FAM135B: variants seen among roughly 807,000 people sequenced by gnomAD.
FAM135B encodes the protein protein FAM135B.
A neutral mutation model predicts 127.7 loss-of-function variants in FAM135B; 43 were observed. The ratio of observed to expected loss-of-function variants is 0.34; its 90% CI spans 0.26 to 0.43. The LOEUF is 0.43. Ranked by LOEUF, FAM135B falls within the 20% of genes least tolerant of loss-of-function variation. The probability of loss-of-function intolerance (pLI) is 1.00; values close to 1 mark genes in which losing one functional copy is unlikely to be tolerated. For missense variants in FAM135B, 1,558 were observed against 1,725.6 expected, an observed-to-expected ratio of 0.90 and a Z score of 1.72; for synonymous variants, 670 against 665.1, an observed-to-expected ratio of 1.01 and a Z score of -0.11.
At chr8:138,155,627 A>C (rs1818656087) in intron 12 of FAM135B, among the ~76,000 whole-genome samples, 1 of 152,160 alleles carries the variant, frequency 6.6e-6, no homozygotes, top group Non-Finnish European at 1.5e-5. Context: ...GAAAACAAAA[A>C]AAAACAGGGG....
intron 7 of FAM135B, among the ~76,000 whole-genome samples, chr8:138,222,743 AT>A (rs1210756312): frequency 6.7e-6 from 1 of 150,042 alleles, no homozygotes; most frequent in Non-Finnish European, 1.5e-5. Flanking sequence ...AAAAAACAAA[AT>A]GAATTTTTAA....
chr8:138,240,144 T>C (rs1355223359), intron 7 of FAM135B, among the ~76,000 whole-genome samples: 1 of 152,052 alleles, frequency 6.6e-6, no homozygotes, highest in Non-Finnish European at 1.5e-5. Context: ...ACTTAAAGTA[T>C]AAAAAGAAAA....
chr8:138,141,142 CGCCCCAGAG>C lies in FAM135B; in HGVS notation c.3790+47_3790+55del. ...GTGGAAGTACCTGTGCCCGGTTTCA[CGCCCCAGAG>C]GCCCCAGATTAATTCTGAGGAATGA... On this transcript the variant is annotated intron_variant, in intron 17 of 19. Coordinates refer to ENST00000395297, the MANE Select transcript of FAM135B (RefSeq NM_015912.4). The surrounding 1 kb of genome is among the most constrained non-coding windows in gnomAD (Gnocchi z 4.7). 6.4e-7 allele frequency: 1 copy of C among 1,564,488 alleles called. No homozygotes were observed. The highest frequency in any genetic ancestry group is 8.8e-7 in the Non-Finnish European group (1 of 1,142,684).
chr8:138,186,696 C>T (rs773230969), intron 9 of FAM135B, among the ~76,000 whole-genome samples: 19 of 152,210 alleles, frequency 1.2e-4, no homozygotes, highest in Admixed American at 5.2e-4. Flanking sequence ...AAGCCTGTGG[C>T]AATGCAGTCA....
At chr8:138,182,452 G>A (rs902460862) in intron 9 of FAM135B, among the ~76,000 whole-genome samples, 11 of 152,158 alleles carry the variant, frequency 7.2e-5, no homozygotes, top group East Asian at 2.0e-4. Flanking sequence ...TTTCACCCTC[G>A]TCACCTGGGT....
At chr8:138,449,424 C>T (rs956888946) in intron 1 of FAM135B, among the ~76,000 whole-genome samples, 1 of 151,924 alleles carries the variant, frequency 6.6e-6, no homozygotes, top group African/African-American at 2.4e-5. Context: ...GAGGACGGAG[C>T]TCAGAGCTGT....
intron 9 of FAM135B, among the ~76,000 whole-genome samples, chr8:138,192,371 C>G (rs926723988): frequency 6.6e-6 from 1 of 152,186 alleles, no homozygotes; most frequent in African/African-American, 2.4e-5. Context: ...AACACAAACC[C>G]CCTTCTTGCC....
At chr8:138,391,995 G>T (rs575050525) in intron 1 of FAM135B, among the ~76,000 whole-genome samples, 8 of 152,104 alleles carry the variant, frequency 5.3e-5, no homozygotes, top group Non-Finnish European at 1.0e-4. Flanking sequence ...TTTGACCACA[G>T]GTCAGATGAG....
In FAM135B at chr8:138,141,458, T is replaced by C. The variant is rs1586578848; in HGVS notation, c.3639-109A>G. 3.6e-6 allele frequency: 4 copies of C among 1,124,160 alleles called. No individual in the cohort carries two copies. Among genetic ancestry groups the C allele is most frequent in the East Asian group, 2.4e-5 (1 of 42,120 alleles). The allele number at this position is 1,124,160 out of a possible 1,614,324, so 69.6% of individuals were successfully genotyped here. On this transcript the variant is annotated intron_variant, in intron 16 of 19. Transcript: ENST00000395297. The surrounding 1 kb of genome is among the most constrained non-coding windows in gnomAD (Gnocchi z 4.7). The stretch of plus-strand genomic sequence containing the variant: ...ATTGTTCTCCACCTCCCACTGAATG[T>C]AGGGGAACTGGCAAAGAGAACAGGG...
At chr8:138,200,668 T>C (rs1320157952) in intron 7 of FAM135B, among the ~76,000 whole-genome samples, 1 of 152,234 alleles carries the variant, frequency 6.6e-6, no homozygotes, top group East Asian at 1.9e-4. Flanking sequence ...TAGATTCTTC[T>C]GGAATACTAC....
rs775932087 is a variant in FAM135B, at chr8:138,132,614, T to C, written c.4200A>G (p.Ala1400=). The C allele has an allele frequency of 1.9e-6, 3 of 1,614,180 alleles. No individual in the cohort carries two copies. In the South Asian group the frequency reaches 3.3e-5, roughly 18 times the overall value. ...GCCACTACTTGAAGTAGTTGAGTCC[T>C]GCCACCAAGAAAAACTTCTCCAGGA... is the stretch of plus-strand genomic sequence containing the variant. ...ELFLEKFFLV[A]GLNYFK The change falls in exon 20 of 20, where the codon GCA becomes GCG. Residue 1400 remains alanine (A), a synonymous_variant. Coordinates refer to ENST00000395297, the MANE Select transcript of FAM135B (RefSeq NM_015912.4). This position sits in a 1 kb window ranked among gnomAD's most constrained non-coding sequence, Gnocchi z 4.5.
chr8:138,156,341 C>T (rs1818740273), intron 12 of FAM135B, among the ~76,000 whole-genome samples: 1 of 152,114 alleles, frequency 6.6e-6, no homozygotes, highest in Non-Finnish European at 1.5e-5. Flanking sequence ...CAAGAGAAAG[C>T]AGGAAAGATC....
intron 7 of FAM135B, among the ~76,000 whole-genome samples, chr8:138,219,419 T>G (rs1226618491): frequency 1.3e-5 from 2 of 152,196 alleles, no homozygotes; most frequent in Non-Finnish European, 2.9e-5. Flanking sequence ...TAGGGGTTGA[T>G]TTGCTGCCTT....
chr8:138,225,455 CAAA>C (rs67074047), intron 7 of FAM135B, among the ~76,000 whole-genome samples: 1 of 136,928 alleles, frequency 7.3e-6, no homozygotes, highest in Non-Finnish European at 1.6e-5. Context: ...GCCAAAAAAA[CAAA>C]AAAAAAACAA....
At chr8:138,156,360 T>C (rs950624945) in intron 12 of FAM135B, among the ~76,000 whole-genome samples, 1 of 151,992 alleles carries the variant, frequency 6.6e-6, no homozygotes, top group East Asian at 1.9e-4. Context: ...TCTAAAATAA[T>C]CACCCTAACA....
intron 12 of FAM135B, among the ~76,000 whole-genome samples, chr8:138,165,041 G>C (rs1819772358): frequency 6.6e-6 from 1 of 152,140 alleles, no homozygotes; most frequent in East Asian, 1.9e-4. Context: ...AGAAGCCCCA[G>C]AAAGACTGAG....
chr8:138,174,311 T>C (rs1234931886), intron 11 of FAM135B, among the ~76,000 whole-genome samples: 2 of 152,196 alleles, frequency 1.3e-5, no homozygotes, highest in Non-Finnish European at 2.9e-5. Flanking sequence ...TCCATCCTGA[T>C]TTGGGAGTGC....
chr8:138,292,240 T>C (rs1007656420), intron 3 of FAM135B, among the ~76,000 whole-genome samples: 2 of 152,062 alleles, frequency 1.3e-5, no homozygotes, highest in East Asian at 3.9e-4. Flanking sequence ...ACACTGAAAA[T>C]ATAAGACACT....
rs573593761 is a variant in FAM135B, at chr8:138,248,235, C to T, written c.542+2606G>A. On this transcript the variant is annotated intron_variant, in intron 6 of 19. Coordinates refer to ENST00000395297, the MANE Select transcript of FAM135B (RefSeq NM_015912.4). The stretch of plus-strand genomic sequence containing the variant: ...ATTTGCAACATGGGTTTGTCTAATC[C>T]TAAAAACCATCCCTTTAATTCCTAC... Among the ~76,000 whole-genome samples the T allele has an allele frequency of 3.5e-4, 53 of 152,304 alleles. 3 individuals carry two copies. The South Asian group carries it at 9.7e-3, about 28-fold the overall frequency.
Sources: gnomAD v4.1 joint callset for allele counts (sites outside exome capture counted in the v4.1 genomes callset) on GRCh38, gnomAD v4.1.1 for gene constraint, Gnocchi (gnomAD v3.1) non-coding constraint, MANE v1.5 for transcripts, NCBI Gene and HGNC (gene_info 2026-07-23, HGNC 2026-07-21) for gene names.